The following RASA1 variants were observed in gnomAD, a reference collection of about 807,000 sequenced individuals.
The protein encoded by RASA1 is RAS p21 protein activator 1, also known as ras GTPase-activating protein 1.
Under a neutral mutation model 132.2 loss-of-function variants are expected in RASA1, and 25 were observed. The observed-to-expected ratio is 0.19, with a 90% CI of 0.14 to 0.26. RASA1 has a LOEUF of 0.26. Ranked by LOEUF, RASA1 falls within the 10% of genes least tolerant of loss-of-function variation. The pLI, the probability that RASA1 is intolerant of heterozygous loss-of-function variation, is 1.00. For missense variants in RASA1, 964 were observed against 1,299.2 expected (o/e 0.74, Z 3.97); for synonymous variants, 477 against 449.9 (o/e 1.06, Z -0.76).
intron 5 of RASA1, among the ~76,000 whole-genome samples, 181 bp downstream of exon 5, chr5:87,338,272 A>G (rs1758123550): frequency 6.6e-6 from 1 of 151,912 alleles, no homozygotes; most frequent in African/African-American, 2.4e-5. Context: ...GCATATTATA[A>G]TACATAGCTG....
chr5:87,287,485 A>T (rs962396278), intron 1 of RASA1, among the ~76,000 whole-genome samples: 2 of 137,488 alleles, frequency 1.5e-5, no homozygotes, highest in African/African-American at 3.0e-5. Flanking sequence ...ATATATACAC[A>T]CCATATATAT....
At chr5:87,352,318 A>G (rs886699394) in intron 8 of RASA1, among the ~76,000 whole-genome samples, 1 of 151,396 alleles carries the variant, frequency 6.6e-6, no homozygotes, top group South Asian at 2.1e-4. Flanking sequence ...ACACACACAC[A>G]TATATATTCT....
chr5:87,278,909 CTTTTTTTTTTTTTT>C (rs58122450), intron 1 of RASA1, among the ~76,000 whole-genome samples: 6 of 84,014 alleles, frequency 7.1e-5, no homozygotes, highest in African/African-American at 2.7e-4. Context: ...CTAATTTGTT[CTTTTTTTTTTTTTT>C]TTTTTTTTTT....
chr5:87,351,622 A>T (rs920773972), intron 8 of RASA1, among the ~76,000 whole-genome samples: 1 of 151,928 alleles, frequency 6.6e-6, no homozygotes, highest in South Asian at 2.1e-4. Context: ...TGAGATGTAA[A>T]TCTGTCTGAT....
At chr5:87,329,571 A>G (rs1376951814) in intron 1 of RASA1, among the ~76,000 whole-genome samples, 3 of 152,352 alleles carry the variant, frequency 2.0e-5, no homozygotes, top group East Asian at 1.9e-4. Flanking sequence ...TATCATTTCA[A>G]TGGTAAGTTC....
chr5:87,312,662 C>T (rs539563911), intron 1 of RASA1, among the ~76,000 whole-genome samples: 1 of 152,272 alleles, frequency 6.6e-6, no homozygotes, highest in South Asian at 2.1e-4. Context: ...TAGTTTGCAA[C>T]TGGAATCTCA....
intron 1 of RASA1, among the ~76,000 whole-genome samples, chr5:87,293,225 GTGT>G (rs1316483649): frequency 2.0e-5 from 3 of 151,924 alleles, no homozygotes; most frequent in Admixed American, 2.0e-4. Context: ...ATTAAGTATG[GTGT>G]TAGCTGTAGA....
chr5:87,373,833 G>T (rs1284416157), intron 13 of RASA1, among the ~76,000 whole-genome samples: 2 of 151,878 alleles, frequency 1.3e-5, no homozygotes, highest in African/African-American at 2.4e-5. Flanking sequence ...TATTAATAAA[G>T]AATTTTCTTC....
chr5:87,326,491 A>G (rs570326675), intron 1 of RASA1, among the ~76,000 whole-genome samples: 1 of 152,278 alleles, frequency 6.6e-6, no homozygotes, highest in South Asian at 2.1e-4. Context: ...CTGGGAAGAC[A>G]TGTATGTACT....
chr5:87,294,584 TTTTAA>T (rs1429733073), intron 1 of RASA1: 4 of 152,368 alleles, frequency 2.6e-5, no homozygotes, highest in African/African-American at 9.6e-5. Flanking sequence ...TGTATTTTCA[TTTTAA>T]TTTAAAGTAT....
At chr5:87,352,316 A>ACC (rs979247116) in intron 8 of RASA1, among the ~76,000 whole-genome samples, 4 of 151,456 alleles carry the variant, frequency 2.6e-5, no homozygotes, top group African/African-American at 9.7e-5. Context: ...ACACACACAC[A>ACC]CATATATATT....
intron 1 of RASA1, among the ~76,000 whole-genome samples, chr5:87,293,839 C>G (rs1404456918): frequency 6.6e-6 from 1 of 151,954 alleles, no homozygotes; most frequent in Non-Finnish European, 1.5e-5. Flanking sequence ...TTTAGCTTTG[C>G]AAATTTGTGG....
intron 5 of RASA1, among the ~76,000 whole-genome samples, chr5:87,340,727 T>G (rs1164468870): frequency 1.3e-5 from 2 of 152,126 alleles, no homozygotes; most frequent in African/African-American, 4.8e-5. Context: ...GATAGTTCCT[T>G]CCCAGATTGG....
chr5:87,371,011 A>C (rs1760897323), intron 12 of RASA1, among the ~76,000 whole-genome samples: 1 of 152,156 alleles, frequency 6.6e-6, no homozygotes, highest in Non-Finnish European at 1.5e-5. Flanking sequence ...GGTAGTGCTC[A>C]AAACATTTTG....
chr5:87,299,214 ATTC>A (rs1755252977), intron 1 of RASA1, among the ~76,000 whole-genome samples: 1 of 152,188 alleles, frequency 6.6e-6, no homozygotes, highest in Non-Finnish European at 1.5e-5. Flanking sequence ...CTTAGTGATC[ATTC>A]TTTGCAGGGC....
At chr5:87,280,347 C>T (rs1163595275) in intron 1 of RASA1, among the ~76,000 whole-genome samples, 1 of 151,748 alleles carries the variant, frequency 6.6e-6, no homozygotes, top group Non-Finnish European at 1.5e-5. Context: ...GTGTCTTGCT[C>T]TGTTGCCTAG....
chr5:87,295,329 A>G (rs1254311019), intron 1 of RASA1, among the ~76,000 whole-genome samples: 1 of 151,874 alleles, frequency 6.6e-6, no homozygotes, highest in African/African-American at 2.4e-5. Flanking sequence ...TGATGTTTAA[A>G]GTGGTTATTG....
intron 8 of RASA1, among the ~76,000 whole-genome samples, chr5:87,349,964 AT>A (rs1490503910): frequency 6.6e-6 from 1 of 151,898 alleles, no homozygotes; most frequent in Non-Finnish European, 1.5e-5. Flanking sequence ...AATAATCTTC[AT>A]TTGTGAACGT....
In RASA1 at chr5:87,268,381, C is replaced by A; in HGVS notation, c.-71C>A. On this transcript the variant is annotated 5_prime_UTR_variant, in exon 1 of 25. Coordinates refer to ENST00000274376, the MANE Select transcript of RASA1 (RefSeq NM_002890.3). Reference sequence around the variant, plus strand: ...GGAGACGCGTCTGGGTGGGGCTGCTCGGAGCCCGGGCCTGGTGGCCCCTGG... The same window carrying A: ...GGAGACGCGTCTGGGTGGGGCTGCTAGGAGCCCGGGCCTGGTGGCCCCTGG... The A allele has an allele frequency of 6.9e-7, 1 of 1,455,826 alleles. No individual in the cohort carries two copies. The highest frequency in any genetic ancestry group is 1.4e-5 in the South Asian group (1 of 69,008). The allele number at this position is 1,455,826 out of a possible 1,614,324, so 90.2% of individuals were successfully genotyped here.
Sources: gnomAD v4.1 joint callset for allele counts (sites outside exome capture counted in the v4.1 genomes callset) on GRCh38, gnomAD v4.1.1 for gene constraint, MANE v1.5 for transcripts, NCBI Gene and HGNC (gene_info 2026-07-23, HGNC 2026-07-21) for gene names.